The following RORA variants were observed in gnomAD, a reference collection of about 807,000 sequenced individuals.
RORA encodes RAR related orphan receptor A, also known as nuclear receptor ROR-alpha.
A neutral mutation model predicts 69.5 loss-of-function variants in RORA; 7 were observed. The ratio of observed to expected loss-of-function variants is 0.10; its 90% CI spans 0.06 to 0.19. RORA has a LOEUF of 0.19. RORA is among the 10% of genes least tolerant of loss of function. The pLI is 1.00. For missense variants in RORA, 457 were observed against 663.0 expected, an observed-to-expected ratio of 0.69 and a Z score of 3.41; for synonymous variants, 261 against 240.8, an observed-to-expected ratio of 1.08 and a Z score of -0.78.
intron 2 of RORA, among the ~76,000 whole-genome samples, chr15:60,552,511 T>C (rs1268803575): frequency 6.6e-6 from 1 of 152,176 alleles, no homozygotes; most frequent in Admixed American, 6.5e-5. Context: ...CCATCCTGTC[T>C]TCCCAGTGCC....
intron 1 of RORA, among the ~76,000 whole-genome samples, chr15:60,958,172 T>C (rs552697306): frequency 1.3e-5 from 2 of 152,338 alleles, no homozygotes; most frequent in Admixed American, 6.5e-5. Context: ...AGATGTTTGA[T>C]ATAAATATTA....
chr15:60,712,999 A>C (rs913166485), intron 1 of RORA, among the ~76,000 whole-genome samples: 15 of 152,270 alleles, frequency 9.9e-5, no homozygotes, highest in South Asian at 6.2e-4. Context: ...GGAAAAAAAA[A>C]CAACAATTTA....
At chr15:60,617,136 T>C (rs914464689) in intron 2 of RORA, among the ~76,000 whole-genome samples, 1 of 152,198 alleles carries the variant, frequency 6.6e-6, no homozygotes, top group Non-Finnish European at 1.5e-5. Context: ...ATATGTATTC[T>C]TTACTAGTGA....
At chr15:60,750,697 G>C (rs868622702) in intron 1 of RORA, among the ~76,000 whole-genome samples, 1 of 152,310 alleles carries the variant, frequency 6.6e-6, no homozygotes, top group Middle Eastern at 3.4e-3. Context: ...ATTCCCTTTT[G>C]TGATCAGCAT....
chr15:61,075,309 T>C (rs1460019588), intron 1 of RORA, among the ~76,000 whole-genome samples: 1 of 152,086 alleles, frequency 6.6e-6, no homozygotes, highest in African/African-American at 2.4e-5. Context: ...GACTTCAATG[T>C]CCTCAAGCAA....
chr15:61,026,658 A>G (rs1895830879), intron 1 of RORA, among the ~76,000 whole-genome samples: 1 of 152,230 alleles, frequency 6.6e-6, no homozygotes, highest in African/African-American at 2.4e-5. Flanking sequence ...ATTTCACAAC[A>G]AAGTCAAGAG....
intron 1 of RORA, among the ~76,000 whole-genome samples, chr15:61,076,158 T>C (rs1047208933): frequency 1.3e-5 from 2 of 152,138 alleles, no homozygotes; most frequent in African/African-American, 2.4e-5. Flanking sequence ...ATGCGTCAGA[T>C]GTGCCAGGGA....
intron 1 of RORA, among the ~76,000 whole-genome samples, chr15:61,182,743 G>A (rs1161744732): frequency 3.3e-5 from 5 of 152,198 alleles, no homozygotes; most frequent in Admixed American, 3.3e-4. Context: ...TCAGATCGAG[G>A]TTCACATCAC....
chr15:60,555,878 C>A (rs2067343613), intron 2 of RORA, among the ~76,000 whole-genome samples: 3 of 152,052 alleles, frequency 2.0e-5, no homozygotes, highest in South Asian at 2.1e-4. Context: ...CCCACTTCTC[C>A]CTCTTCCCCA....
At chr15:61,218,674 TCACACACACACACA>T (rs3054672) in intron 1 of RORA, among the ~76,000 whole-genome samples, 5 of 142,840 alleles carry the variant, frequency 3.5e-5, no homozygotes, top group Admixed American at 2.1e-4. Flanking sequence ...CTAATATAAC[TCACACACACACACA>T]CACACACACA....
intron 1 of RORA, chr15:60,765,534 T>G (rs113809441): frequency 6.6e-6 from 1 of 152,144 alleles, no homozygotes; most frequent in Admixed American, 6.6e-5. Context: ...GGCCTTGCAA[T>G]GTGGTGTTAG....
At chr15:61,184,401 AT>A (rs1341956450) in intron 1 of RORA, among the ~76,000 whole-genome samples, 2 of 151,822 alleles carry the variant, frequency 1.3e-5, no homozygotes, top group Non-Finnish European at 1.5e-5. Flanking sequence ...ACACCCCTCA[AT>A]TTCCCCCCTA....
intron 4 of RORA, among the ~76,000 whole-genome samples, chr15:60,512,638 T>C (rs2065739757): frequency 6.6e-6 from 1 of 152,184 alleles, no homozygotes; most frequent in South Asian, 2.1e-4. Context: ...CCTCAAGTAA[T>C]CACAGCATCA....
intron 1 of RORA, among the ~76,000 whole-genome samples, chr15:61,105,039 C>A (rs1355013302): frequency 7.0e-6 from 1 of 142,466 alleles, no homozygotes; most frequent in Non-Finnish European, 1.5e-5. Context: ...GTCCATTAAA[C>A]CTCTTTTTCT....
At chr15:61,017,390 T>C (rs1228209489) in intron 1 of RORA, among the ~76,000 whole-genome samples, 1 of 152,244 alleles carries the variant, frequency 6.6e-6, no homozygotes, top group Non-Finnish European at 1.5e-5. Flanking sequence ...TTAATGCAGA[T>C]GTAGCAGAAA....
chr15:60,726,756 A>C (rs2071362275), intron 1 of RORA, among the ~76,000 whole-genome samples: 1 of 152,186 alleles, frequency 6.6e-6, no homozygotes, highest in Non-Finnish European at 1.5e-5. Flanking sequence ...AATAGCTCAT[A>C]AAATAAAACC....
At chr15:60,585,492 G>A (rs548673771) in intron 2 of RORA, among the ~76,000 whole-genome samples, 38 of 152,070 alleles carry the variant, frequency 2.5e-4, no homozygotes, top group African/African-American at 8.9e-4. Flanking sequence ...AGCTACTGTA[G>A]TTTACTTTTT....
chr15:61,081,961 G>A (rs1172431683), intron 1 of RORA, among the ~76,000 whole-genome samples: 1 of 152,130 alleles, frequency 6.6e-6, no homozygotes, highest in Non-Finnish European at 1.5e-5. Context: ...CTAGAAAGCT[G>A]GGAAACAGCC....
At chr15:61,139,802 A>G (rs897282187) in intron 1 of RORA, among the ~76,000 whole-genome samples, 1 of 152,246 alleles carries the variant, frequency 6.6e-6, no homozygotes, top group Non-Finnish European at 1.5e-5. Context: ...GAACCCAAAA[A>G]TAAATCACAA....
Sources: allele counts gnomAD v4.1 joint callset (sites outside exome capture counted in the v4.1 genomes callset), GRCh38; gene constraint gnomAD v4.1.1; transcripts MANE v1.5; gene names NCBI Gene and HGNC (gene_info 2026-07-23, HGNC 2026-07-21).